GPC6: variants seen among roughly 807,000 people sequenced by gnomAD.
GPC6 encodes glypican-6.
In GPC6, 14 loss-of-function variants were observed where a neutral mutation model predicts 55.2. The observed-to-expected ratio is 0.25, with a 90% CI of 0.17 to 0.40. The LOEUF (loss-of-function observed/expected upper bound fraction) is 0.40. Among genes scored for constraint, GPC6 ranks in the 10% least tolerant of loss-of-function variants. GPC6 has a pLI of 1.00. For synonymous variants in GPC6, 278 were observed against 259.6 expected, an observed-to-expected ratio of 1.07 and a Z score of -0.68; for missense variants, 641 against 708.5, an observed-to-expected ratio of 0.90 and a Z score of 1.08.
chr13:94,073,330 A>G (rs984172745), intron 4 of GPC6, among the ~76,000 whole-genome samples: 4 of 152,196 alleles, frequency 2.6e-5, no homozygotes, highest in African/African-American at 9.6e-5. Flanking sequence ...TTTTGTAAAA[A>G]ATGGTTCCTT....
Position 94,256,980 on chromosome 13 carries a change from T to TA in GPC6, c.878-29365dup, listed in dbSNP as rs577373313. Among the ~76,000 whole-genome samples the TA allele has an allele frequency of 4.2e-3, 641 of 152,352 alleles. 8 individuals are homozygous for TA. Among genetic ancestry groups the TA allele is most frequent in the African/African-American group, 0.015 (610 of 41,584 alleles). On this transcript the variant is annotated intron_variant, in intron 4 of 8. Transcript: ENST00000377047. ...CATAGATTCTGTTGAGTCTGCAAGT[T>TA]AAAAGTGTTTTAGGCTTTCTTTTCT...
chr13:94,083,360 C>G (rs766028426), intron 4 of GPC6, among the ~76,000 whole-genome samples: 1 of 152,166 alleles, frequency 6.6e-6, no homozygotes, highest in African/African-American at 2.4e-5. Flanking sequence ...CCTTGTGATG[C>G]GCCCACCTTG....
At chr13:93,789,595 C>A (rs1244044682) in intron 2 of GPC6, among the ~76,000 whole-genome samples, 5 of 54,192 alleles carry the variant, frequency 9.2e-5, no homozygotes, top group Admixed American at 4.5e-4. Context: ...ATATATAATA[C>A]TACATATATA....
intron 1 of GPC6, among the ~76,000 whole-genome samples, chr13:93,448,575 G>A (rs568141893): frequency 3.3e-4 from 51 of 152,250 alleles, no homozygotes; most frequent in African/African-American, 1.2e-3. Flanking sequence ...AGCTCACAAA[G>A]GACTATTATC....
At chr13:93,688,162 T>C (rs1388454905) in intron 2 of GPC6, among the ~76,000 whole-genome samples, 1 of 152,054 alleles carries the variant, frequency 6.6e-6, no homozygotes, top group Non-Finnish European at 1.5e-5. Flanking sequence ...TGAGATAACT[T>C]TGTTTTGATA....
At chr13:93,262,965 A>G (rs1176876452) in intron 1 of GPC6, among the ~76,000 whole-genome samples, 1 of 152,244 alleles carries the variant, frequency 6.6e-6, no homozygotes, top group Admixed American at 6.5e-5. Flanking sequence ...AGAGAGAGTC[A>G]TACAAATGGA....
At chr13:93,910,877 A>G (rs928319159) in intron 3 of GPC6, among the ~76,000 whole-genome samples, 1 of 152,204 alleles carries the variant, frequency 6.6e-6, no homozygotes, top group African/African-American at 2.4e-5. Context: ...GAAGCCTCAA[A>G]GGAACCCCCA....
intron 4 of GPC6, among the ~76,000 whole-genome samples, chr13:94,043,815 T>A (rs1282357247): frequency 2.6e-5 from 4 of 151,872 alleles, no homozygotes; most frequent in Non-Finnish European, 4.4e-5. Flanking sequence ...TCTGTAGAGT[T>A]TATTTTGCCT....
intron 6 of GPC6, among the ~76,000 whole-genome samples, chr13:94,343,403 C>T (rs1275515363): frequency 1.3e-5 from 2 of 152,164 alleles, no homozygotes; most frequent in African/African-American, 2.4e-5. Flanking sequence ...GGGCTGATCC[C>T]TCCTTTGGCT....
chr13:93,686,624 A>G (rs990518208), intron 2 of GPC6, among the ~76,000 whole-genome samples: 1 of 152,134 alleles, frequency 6.6e-6, no homozygotes, highest in Non-Finnish European at 1.5e-5. Flanking sequence ...GAACTTTTTC[A>G]TTTTTACCAA....
chr13:94,244,358 T>C (rs1891138283), intron 4 of GPC6, among the ~76,000 whole-genome samples: 1 of 152,168 alleles, frequency 6.6e-6, no homozygotes, highest in Non-Finnish European at 1.5e-5. Context: ...GTGTGACCTC[T>C]GTCAAGGATC....
intron 1 of GPC6, among the ~76,000 whole-genome samples, chr13:93,431,287 G>T (rs972482167): frequency 6.6e-6 from 1 of 152,074 alleles, no homozygotes; most frequent in Non-Finnish European, 1.5e-5. Context: ...AGGAAGCCAT[G>T]TCTATTTTAA....
chr13:94,104,176 C>T (rs1184877033), intron 4 of GPC6, among the ~76,000 whole-genome samples: 1 of 152,080 alleles, frequency 6.6e-6, no homozygotes, highest in East Asian at 1.9e-4. Context: ...TCAGGTTTGT[C>T]GAAATTCAGA....
chr13:93,715,004 C>A (rs562504405), intron 2 of GPC6, among the ~76,000 whole-genome samples: 6 of 151,618 alleles, frequency 4.0e-5, no homozygotes, highest in African/African-American at 1.4e-4. Context: ...ATATAAGGAG[C>A]AATGAAGGTC....
At chr13:94,117,528 G>A (rs1449087175) in intron 4 of GPC6, among the ~76,000 whole-genome samples, 1 of 152,102 alleles carries the variant, frequency 6.6e-6, no homozygotes, top group South Asian at 2.1e-4. Flanking sequence ...AAAGAATCAT[G>A]GGAAGAGGAA....
chr13:93,926,360 A>G (rs1052547152), intron 3 of GPC6, among the ~76,000 whole-genome samples: 15 of 152,230 alleles, frequency 9.9e-5, no homozygotes, highest in Non-Finnish European at 1.8e-4. Context: ...CTAGAAATAG[A>G]CAAATAGTCT....
chr13:94,013,930 A>G (rs1289207169), intron 3 of GPC6, among the ~76,000 whole-genome samples: 2 of 152,216 alleles, frequency 1.3e-5, no homozygotes, highest in Non-Finnish European at 2.9e-5. Context: ...TGGCTTGCAA[A>G]TGCTTCATAA....
intron 2 of GPC6, among the ~76,000 whole-genome samples, chr13:93,816,256 T>C (rs893399352): frequency 9.9e-5 from 15 of 152,166 alleles, no homozygotes; most frequent in Non-Finnish European, 1.9e-4. Context: ...ATCTATATTT[T>C]AAAAAGCATT....
intron 4 of GPC6, among the ~76,000 whole-genome samples, chr13:94,082,041 A>G (rs564196189): frequency 6.6e-6 from 1 of 151,738 alleles, no homozygotes; most frequent in African/African-American, 2.4e-5. Flanking sequence ...GGGTTTCACC[A>G]TATTGGTCAG....
Sources: gnomAD v4.1 joint callset for allele counts (sites outside exome capture counted in the v4.1 genomes callset) on GRCh38, gnomAD v4.1.1 for gene constraint, MANE v1.5 for transcripts, NCBI Gene and HGNC (gene_info 2026-07-23, HGNC 2026-07-21) for gene names.